The following ZRANB1 variants were observed in gnomAD, a reference collection of about 807,000 sequenced individuals.
ZRANB1 encodes the protein ubiquitin thioesterase ZRANB1.
ZRANB1 carries 16 observed loss-of-function variants against 80.5 expected under a neutral mutation model. The observed-to-expected ratio is 0.20, with a 90% CI of 0.13 to 0.30. ZRANB1 has a LOEUF of 0.30. Ranked by LOEUF, ZRANB1 falls within the 10% of genes least tolerant of loss-of-function variation. The pLI is 1.00. For missense variants in ZRANB1, 576 were observed against 862.6 expected (o/e 0.67, Z 4.16); for synonymous variants, 291 against 293.1 (o/e 0.99, Z 0.07).
chr10:124,943,545 GTA>G (rs756402215), intron 1 of ZRANB1, among the ~76,000 whole-genome samples: 13 of 149,674 alleles, frequency 8.7e-5, no homozygotes, highest in African/African-American at 2.4e-4. Flanking sequence ...GTGTGTGTGT[GTA>G]TATATATATG....
rs1952089146 is a variant in ZRANB1 at position 124,987,634 on chromosome 10, C to T, written c.*2642C>T. The T allele has an allele frequency of 6.6e-6, 1 of 151,782 alleles. No individual in the cohort carries two copies. 9.4% of individuals were successfully genotyped at this position (151,782 alleles called of 1,614,324 possible). A position where few individuals can be genotyped will look rare whatever the true frequency, so the allele number is the denominator to read the frequency against. Reference sequence around the variant, plus strand: ...ATAGGTCAGTAACTATGAGCGCCGTCTCTCTCCATGTGAGCTTGTGTTAAT... The same window carrying T: ...ATAGGTCAGTAACTATGAGCGCCGTTTCTCTCCATGTGAGCTTGTGTTAAT... On this transcript the variant is annotated 3_prime_UTR_variant, in exon 9 of 9. Transcript: ENST00000359653.
At chr10:124,974,496 T>C (rs1470664142) in intron 5 of ZRANB1, 98 bp downstream of exon 5, 3 of 1,257,678 alleles carry the variant, frequency 2.4e-6, no homozygotes, top group South Asian at 1.4e-5. Context: ...ATATTTTCTA[T>C]GGAAACTGGA....
At chr10:124,916,916 C>T in the ZRANB1 span, among the ~76,000 whole-genome samples, 6 of 152,018 alleles carry the variant, frequency 3.9e-5, no homozygotes, top group African/African-American at 1.4e-4. Flanking sequence ...GTCCCTCGGC[C>T]GCCGCCATTA....
intron 5 of ZRANB1, chr10:124,981,409 TGTAAACTAA>T: frequency 1.7e-5 from 3 of 180,894 alleles, no homozygotes; most frequent in South Asian, 1.5e-4. Flanking sequence ...TTTTTTTTTT[TGTAAACTAA>T]TTGTGGACAG....
At chr10:124,966,854 T>C (rs1951781479) in intron 2 of ZRANB1, 73 bp downstream of exon 2, 10 of 1,402,938 alleles carry the variant, frequency 7.1e-6, no homozygotes, top group Middle Eastern at 2.3e-4. Flanking sequence ...TTTTTGATTT[T>C]ATAATGTTTC....
chr10:124,925,220 T>G, the ZRANB1 span, among the ~76,000 whole-genome samples: 3 of 152,280 alleles, frequency 2.0e-5, no homozygotes, highest in South Asian at 6.2e-4. Context: ...CATTTTACAT[T>G]TCTGCCAGCA....
chr10:124,917,286 G>C, the ZRANB1 span: 1 of 152,480 alleles, frequency 6.6e-6, no homozygotes, highest in Non-Finnish European at 1.4e-5. Flanking sequence ...ACCGGGCCCC[G>C]GGGGGCGCCC....
At chr10:124,975,643 C>T (rs1189709554) in intron 5 of ZRANB1, among the ~76,000 whole-genome samples, 1 of 152,150 alleles carries the variant, frequency 6.6e-6, no homozygotes, top group Non-Finnish European at 1.5e-5. Context: ...TTAGTTATTA[C>T]AGGCATGAGC....
intron 1 of ZRANB1, among the ~76,000 whole-genome samples, chr10:124,949,804 A>G (rs766499707): frequency 6.6e-6 from 1 of 152,104 alleles, no homozygotes; most frequent in Non-Finnish European, 1.5e-5. Flanking sequence ...TGAAACTGGA[A>G]TTTTTATGCT....
At chr10:124,929,200 A>G in the ZRANB1 span, among the ~76,000 whole-genome samples, 3 of 152,234 alleles carry the variant, frequency 2.0e-5, no homozygotes, top group Admixed American at 2.0e-4. Context: ...TCTGTTTTGT[A>G]GCCTGATAAT....
chr10:124,946,665 G>A (rs1251478473), intron 1 of ZRANB1, among the ~76,000 whole-genome samples: 2 of 152,036 alleles, frequency 1.3e-5, no homozygotes, highest in African/African-American at 4.8e-5. Context: ...ACTGTTATAC[G>A]TAAGGTTATA....
chr10:124,932,030 C>A, the ZRANB1 span, among the ~76,000 whole-genome samples: 1 of 152,160 alleles, frequency 6.6e-6, no homozygotes, highest in Non-Finnish European at 1.5e-5. Flanking sequence ...TCATGTTTTG[C>A]CTTTTCTAGA....
rs748889469 is a variant in ZRANB1 at position 124,943,051 on chromosome 10, A to C, written c.558A>C (p.Ala186=). 1 of 1,614,242 alleles carries C rather than the reference A, an allele frequency of 6.2e-7. No homozygotes were observed. The part of the protein sequence containing the change: ...RPNNIEAIEL[A]ETEEASSIIN... ...ATAACATTGAAGCAATAGAATTGGC[A>C]GAGACTGAAGAGGCTTCTTCAATAA... The change falls in exon 1 of 9, where the codon GCA becomes GCC. Residue 186 remains alanine, a synonymous_variant. Transcript: ENST00000359653.
rs757512532 is a variant in ZRANB1, at chr10:124,973,707, G to A, written c.1219G>A (p.Val407Ile). Residue 407 changes from valine (V) to isoleucine (I), a missense_variant, in exon 4 of 9, where the codon GTT becomes ATT. By Grantham distance (29) the Val-to-Ile change is conservative. Transcript: ENST00000359653. ...KLFDEVLDRD[V>I]QKELEEESPI... ...ATTTGATGAGGTGCTTGATAGAGAC[G>A]TTCAAAAAGGTAAGCATGGAATTAA... is the stretch of plus-strand genomic sequence containing the variant. 3.1e-6 allele frequency: 5 copies of A among 1,611,296 alleles called. No homozygotes were observed. Among genetic ancestry groups the A allele is most frequent in the South Asian group, 2.2e-5 (2 of 90,290 alleles).
intron 1 of ZRANB1, chr10:124,962,339 A>G (rs1415953911): frequency 1.0e-6 from 1 of 980,820 alleles, no homozygotes; most frequent in Non-Finnish European, 1.2e-6. Flanking sequence ...CCCACAGCAT[A>G]AACCATGCTG....
At chr10:124,959,455 G>C (rs1951713536) in intron 1 of ZRANB1, among the ~76,000 whole-genome samples, 1 of 151,716 alleles carries the variant, frequency 6.6e-6, no homozygotes, top group Non-Finnish European at 1.5e-5. Flanking sequence ...GAGGGCAGTG[G>C]TAAACTTTTT....
intron 1 of ZRANB1, among the ~76,000 whole-genome samples, chr10:124,953,485 C>CA (rs1414116586): frequency 1.3e-5 from 2 of 152,094 alleles, no homozygotes; most frequent in Non-Finnish European, 2.9e-5. Flanking sequence ...TGCCTTTTTT[C>CA]AGGTCAGCGA....
the ZRANB1 span, among the ~76,000 whole-genome samples, chr10:124,922,133 A>G: frequency 6.6e-6 from 1 of 151,058 alleles, no homozygotes; most frequent in African/African-American, 2.4e-5. Flanking sequence ...TGTAGAGACA[A>G]GATCTCTCTA....
chr10:124,948,546 C>A (rs977003333), intron 1 of ZRANB1, among the ~76,000 whole-genome samples: 1 of 151,838 alleles, frequency 6.6e-6, no homozygotes, highest in African/African-American at 2.4e-5. Flanking sequence ...AAGCCTCAAG[C>A]CTTTTACTTG....
Sources: gnomAD v4.1 joint callset for allele counts (sites outside exome capture counted in the v4.1 genomes callset) on GRCh38, gnomAD v4.1.1 for gene constraint, MANE v1.5 for transcripts, NCBI Gene and HGNC (gene_info 2026-07-23, HGNC 2026-07-21) for gene names.